KCNU1: variants seen among roughly 807,000 people sequenced by gnomAD.
KCNU1 encodes potassium calcium-activated channel subfamily U member 1.
KCNU1 carries 93 observed loss-of-function variants against 126.8 expected under a neutral mutation model. The ratio of observed to expected loss-of-function variants is 0.73; its 90% confidence interval spans 0.62 to 0.87. The LOEUF (loss-of-function observed/expected upper bound fraction) is 0.87, where lower values mean the gene tolerates loss of function less well. KCNU1 is among the 40% of genes least tolerant of loss of function. The pLI, the probability that KCNU1 is intolerant of heterozygous loss-of-function variation, is 0.00. For missense variants in KCNU1, 1,330 were observed against 1,367.1 expected (o/e 0.97, Z 0.43); for synonymous variants, 523 against 494.2 (o/e 1.06, Z -0.77).
At chr8:36,805,157 A>G (rs1563265253) in intron 3 of KCNU1, 38 bp from the exon 4 acceptor site, 1 of 1,483,006 alleles carries the variant, frequency 6.7e-7, no homozygotes, top group Non-Finnish European at 9.3e-7. Context: ...CACTTTAAAA[A>G]TGTTGATCTT....
chr8:36,902,083 G>A (rs1585537149), intron 19 of KCNU1, among the ~76,000 whole-genome samples: 1 of 152,262 alleles, frequency 6.6e-6, no homozygotes, highest in East Asian at 1.9e-4. Flanking sequence ...CTTTAGTTAA[G>A]GGATGGTGAT....
rs1808752388 is a variant in KCNU1, at chr8:36,933,130, C to T, written c.3044+98C>T. ...AAAGAGAATTCCAGAGCTCAGGGTC[C>T]ACAGTTGCAAGGAAGGGTGCATGGG... is the stretch of plus-strand genomic sequence containing the variant. On this transcript the variant is annotated intron_variant, in intron 26 of 26. Transcript: ENST00000399881. 16 of 755,736 alleles carry T rather than the reference C, an allele frequency of 2.1e-5. No homozygotes were observed. The East Asian group carries it at 4.3e-4, about 20-fold the overall frequency. 46.8% of individuals were successfully genotyped at this position (755,736 alleles called of 1,614,324 possible).
At chr8:36,792,496 C>A (rs943755225) in intron 2 of KCNU1, among the ~76,000 whole-genome samples, 1 of 152,182 alleles carries the variant, frequency 6.6e-6, no homozygotes, top group Admixed American at 6.5e-5. Context: ...GAAGGGTCAG[C>A]AGGTGGAACA....
chr8:36,840,928 C>G lies in KCNU1; in HGVS notation c.1632-4C>G. The G allele has an allele frequency of 6.2e-7, 1 of 1,609,828 alleles. No individual in the cohort carries two copies. Among genetic ancestry groups the G allele is most frequent in the South Asian group, 1.1e-5 (1 of 91,000 alleles). Reference sequence around the variant, plus strand: ...TCCTTTTGACTCCTCGTCTTCCTTCCCAGGCTCTGCTTTCTGAAGATGCAC... The same window carrying G: ...TCCTTTTGACTCCTCGTCTTCCTTCGCAGGCTCTGCTTTCTGAAGATGCAC... On this transcript the variant is annotated splice_region_variant and splice_polypyrimidine_tract_variant and intron_variant, in intron 15 of 26. Coordinates refer to ENST00000399881, the MANE Select transcript of KCNU1 (RefSeq NM_001031836.3).
intron 10 of KCNU1, among the ~76,000 whole-genome samples, chr8:36,830,694 A>C (rs1024522738): frequency 4.6e-5 from 7 of 150,750 alleles, no homozygotes; most frequent in African/African-American, 1.7e-4. Flanking sequence ...GTGTGTTTGG[A>C]TGTGTAGGTT....
chr8:36,912,537 G>A (rs553484646), intron 22 of KCNU1, among the ~76,000 whole-genome samples: 69 of 152,176 alleles, frequency 4.5e-4, no homozygotes, highest in African/African-American at 1.5e-3. Flanking sequence ...TAAAAGTGCT[G>A]TTTTGTTCTG....
At chr8:36,800,130 C>G (rs1383227370) in intron 2 of KCNU1, among the ~76,000 whole-genome samples, 1 of 152,160 alleles carries the variant, frequency 6.6e-6, no homozygotes, top group African/African-American at 2.4e-5. Flanking sequence ...TGTGTTAACT[C>G]TTTCATGAAA....
intron 13 of KCNU1, 93 bp downstream of exon 13, chr8:36,836,458 T>A (rs1371993653): frequency 1.1e-6 from 1 of 876,512 alleles, no homozygotes; most frequent in Non-Finnish European, 1.8e-6. Flanking sequence ...AAATAAAAAG[T>A]TTTTGCTAAT....
chr8:36,839,560 G>A (rs912226981), intron 14 of KCNU1, among the ~76,000 whole-genome samples: 1 of 152,190 alleles, frequency 6.6e-6, no homozygotes, highest in Non-Finnish European at 1.5e-5. Context: ...GCCTGAAATA[G>A]TCTGTCCTTT....
At chr8:36,817,499 CAAAAAA>C (rs375306964) in intron 9 of KCNU1, 145 bp from the exon 10 acceptor site, 3,617 of 233,742 alleles carry the variant, frequency 0.015, no homozygotes, top group Admixed American at 0.024. Flanking sequence ...AACTCCATCT[CAAAAAA>C]AAAAAAAAAA....
intron 7 of KCNU1, among the ~76,000 whole-genome samples, chr8:36,810,220 C>G (rs920284310): frequency 6.6e-6 from 1 of 151,658 alleles, no homozygotes; most frequent in Admixed American, 6.6e-5. Flanking sequence ...CCACTGCACT[C>G]CAGCCTGGTG....
At chr8:36,900,786 C>T (rs1227807263) in intron 19 of KCNU1, among the ~76,000 whole-genome samples, 1 of 152,032 alleles carries the variant, frequency 6.6e-6, no homozygotes, top group East Asian at 1.9e-4. Flanking sequence ...GACTATTATG[C>T]TCAAGAGACA....
At chr8:36,879,375 T>C (rs1186376014) in intron 19 of KCNU1, among the ~76,000 whole-genome samples, 3 of 151,830 alleles carry the variant, frequency 2.0e-5, no homozygotes, top group Non-Finnish European at 4.4e-5. Context: ...AGCACACACT[T>C]GTGGTATAAA....
intron 23 of KCNU1, among the ~76,000 whole-genome samples, chr8:36,919,428 C>CAA (rs10699066): frequency 0.2 from 21,824 of 109,136 alleles, 2,379 homozygotes; most frequent in Admixed American, 0.24. Context: ...CTAAAATAGG[C>CAA]AAAAAAAAAA....
chr8:36,837,170 A>G (rs1804781593), intron 14 of KCNU1, among the ~76,000 whole-genome samples: 1 of 152,146 alleles, frequency 6.6e-6, no homozygotes, highest in African/African-American at 2.4e-5. Flanking sequence ...ATATTTATCT[A>G]CAAAACAGAA....
chr8:36,814,397 T>C lies in KCNU1; in HGVS notation c.903+20T>C. On this transcript the variant is annotated intron_variant, in intron 8 of 26. Transcript: ENST00000399881. ...AGTTTGGTGAAGAATATTTTTAATA[T>C]ATTTTGAATATAGCTACATAAACCA... 6.6e-7 allele frequency: 1 copy of C among 1,515,988 alleles called. No homozygotes were observed. Among genetic ancestry groups the C allele is most frequent in the African/African-American group, 1.4e-5 (1 of 72,446 alleles). The allele number at this position is 1,515,988 out of a possible 1,614,324, so 93.9% of individuals were successfully genotyped here.
chr8:36,931,512 T>A (rs1003452000), intron 25 of KCNU1, among the ~76,000 whole-genome samples: 1 of 152,140 alleles, frequency 6.6e-6, no homozygotes, highest in African/African-American at 2.4e-5. Context: ...TTCTCTGTGC[T>A]TGTCTTTTTT....
intron 25 of KCNU1, 110 bp from the exon 26 acceptor site, chr8:36,932,810 T>C (rs1808740688): frequency 3.0e-6 from 2 of 661,412 alleles, no homozygotes; most frequent in Non-Finnish European, 2.7e-6. Context: ...TATTAGGAAA[T>C]GGCTTTCCAA....
chr8:36,807,247 C>A, intron 5 of KCNU1, 128 bp from the exon 6 acceptor site: 1 of 715,074 alleles, frequency 1.4e-6, no homozygotes, highest in South Asian at 1.7e-5. Flanking sequence ...AAGCCTATAA[C>A]ATGAGAATAG....
Sources: gnomAD v4.1 joint callset for allele counts (sites outside exome capture counted in the v4.1 genomes callset) on GRCh38, gnomAD v4.1.1 for gene constraint, MANE v1.5 for transcripts, NCBI Gene and HGNC (gene_info 2026-07-23, HGNC 2026-07-21) for gene names.